LIMA1: variants seen among roughly 807,000 people sequenced by gnomAD.
LIMA1 encodes the protein LIM domain and actin-binding protein 1.
Under a neutral mutation model 62.6 loss-of-function variants are expected in LIMA1, and 52 were observed. The ratio of observed to expected loss-of-function variants is 0.83; its 90% CI spans 0.67 to 1.05. LIMA1 has a LOEUF of 1.05. LIMA1 is among the 50% of genes least tolerant of loss of function. LIMA1 has a pLI of 0.00. For synonymous variants in LIMA1, 302 were observed against 317.8 expected, an observed-to-expected ratio of 0.95 and a Z score of 0.53; for missense variants, 780 against 902.2, an observed-to-expected ratio of 0.86 and a Z score of 1.74.
Position 50,222,211 on chromosome 12 carries a change from T to G in LIMA1, c.440A>C (p.Asp147Ala), listed in dbSNP as rs1941454469. ...TGAGTGGTCTTTAAGATCCTCACCG[T>G]CCTTGATGTGGGGATATCGACCCTG... is the stretch of plus-strand genomic sequence containing the variant. ...LVQGRYPHIK[D>A]GEDLKDHSTE... Residue 147 changes from aspartate to alanine, a missense_variant, in exon 4 of 11, where the codon GAC (aspartate) becomes GCC (alanine). Physicochemically the swap from Asp to Ala is moderately radical, Grantham distance 126. Coordinates refer to ENST00000341247, the MANE Select transcript of LIMA1 (RefSeq NM_016357.5). The G allele has an allele frequency of 1.4e-5, 22 of 1,614,214 alleles. No individual in the cohort carries two copies. The highest frequency in any genetic ancestry group is 1.8e-5 in the Non-Finnish European group (21 of 1,180,014).
chr12:50,244,261 G>A (rs1407124051), intron 2 of LIMA1, among the ~76,000 whole-genome samples: 3 of 152,136 alleles, frequency 2.0e-5, no homozygotes, highest in Non-Finnish European at 4.4e-5. Context: ...GGGCCACGAT[G>A]CCCAGCTAAT....
intron 9 of LIMA1, chr12:50,186,980 G>C (rs749147179): frequency 1.3e-5 from 2 of 152,170 alleles, no homozygotes; most frequent in African/African-American, 2.4e-5. Flanking sequence ...TCCCACGACA[G>C]CAATTTGAAC....
chr12:50,204,852 T>A, intron 5 of LIMA1, 152 bp from the exon 6 acceptor site: 2 of 650,772 alleles, frequency 3.1e-6, no homozygotes, highest in Admixed American at 2.8e-5. Flanking sequence ...CCCAAAGCGC[T>A]GGAATTATAG....
At chr12:50,186,670 T>A (rs982554557) in intron 9 of LIMA1, 2 of 152,182 alleles carry the variant, frequency 1.3e-5, no homozygotes, top group African/African-American at 4.8e-5. Context: ...ATAAAGGATA[T>A]TTTCTGGAGG....
chr12:50,235,938 G>A (rs930669948), intron 2 of LIMA1, among the ~76,000 whole-genome samples: 3 of 152,160 alleles, frequency 2.0e-5, no homozygotes, highest in African/African-American at 7.2e-5. Flanking sequence ...ATGGAGGTGG[G>A]TGGATCACCT....
intron 2 of LIMA1, among the ~76,000 whole-genome samples, chr12:50,243,919 CT>C (rs944990232): frequency 3.9e-4 from 57 of 147,292 alleles, no homozygotes; most frequent in Middle Eastern, 3.6e-3. Flanking sequence ...TTATATATTT[CT>C]TTTTTTTTTT....
intron 6 of LIMA1, chr12:50,201,227 T>C: frequency 1.9e-6 from 2 of 1,046,656 alleles, no homozygotes; most frequent in South Asian, 6.9e-5. Flanking sequence ...GCAAAGCTTG[T>C]GAGTTTTATC....
chr12:50,280,599 A>C (rs1942329806), intron 1 of LIMA1, among the ~76,000 whole-genome samples: 1 of 152,230 alleles, frequency 6.6e-6, no homozygotes, highest in South Asian at 2.1e-4. Flanking sequence ...GACATGCTGA[A>C]TAATGGATTG....
At chr12:50,219,215 G>A (rs962499953) in intron 4 of LIMA1, among the ~76,000 whole-genome samples, 2 of 152,170 alleles carry the variant, frequency 1.3e-5, no homozygotes, top group African/African-American at 4.8e-5. Context: ...TGGGCGTGGT[G>A]GCTCATGCCT....
intron 3 of LIMA1, among the ~76,000 whole-genome samples, chr12:50,229,336 C>G (rs1176475258): frequency 6.6e-6 from 1 of 152,184 alleles, no homozygotes; most frequent in East Asian, 1.9e-4. Flanking sequence ...TCCTAAAGTG[C>G]TGGGATTAGA....
At chr12:50,193,613 TATATATAC>T (rs1940850029) in intron 8 of LIMA1, among the ~76,000 whole-genome samples, 1 of 138,004 alleles carries the variant, frequency 7.2e-6, no homozygotes, top group Admixed American at 7.5e-5. Context: ...TACATGTATA[TATATATAC>T]ATATATATAC....
At chr12:50,210,022 T>G (rs1021319079) in intron 4 of LIMA1, among the ~76,000 whole-genome samples, 1 of 152,076 alleles carries the variant, frequency 6.6e-6, no homozygotes, top group Non-Finnish European at 1.5e-5. Flanking sequence ...ATAAAGAAAA[T>G]TCCACATATT....
intron 4 of LIMA1, among the ~76,000 whole-genome samples, 194 bp downstream of exon 4, chr12:50,221,827 T>G (rs575425419): frequency 4.7e-4 from 71 of 152,362 alleles, no homozygotes; most frequent in Admixed American, 1.5e-3. Context: ...TGATTTAACA[T>G]GAAATTGTGT....
chr12:50,201,145 C>A, intron 6 of LIMA1: 3 of 1,195,600 alleles, frequency 2.5e-6, no homozygotes. Flanking sequence ...CACATCAACA[C>A]AGGCACACAG....
chr12:50,184,568 G>C (rs1031546525), intron 9 of LIMA1, among the ~76,000 whole-genome samples: 3 of 152,162 alleles, frequency 2.0e-5, no homozygotes, highest in Non-Finnish European at 4.4e-5. Context: ...CTTGAACCCA[G>C]GAAGCAGAAG....
chr12:50,177,181 A>G lies in LIMA1; in HGVS notation c.2163T>C (p.Thr721=). 6.2e-7 allele frequency: 1 copy of G among 1,613,990 alleles called. No individual in the cohort carries two copies. Among genetic ancestry groups the G allele is most frequent in the Non-Finnish European group, 8.5e-7 (1 of 1,179,984 alleles). The stretch of plus-strand genomic sequence containing the variant: ...CCACATCCTGGGATTTCTGATTCTG[A>G]GTAGTGAATTCTTCAGCAAAGGTGT... The part of the protein sequence containing the change: ...VDNTFAEEFT[T]QNQKSQDVEL... Residue 721 remains threonine (T), a synonymous_variant, in exon 11 of 11, where the codon ACT becomes ACC. Coordinates refer to ENST00000341247, the MANE Select transcript of LIMA1 (RefSeq NM_016357.5).
chr12:50,265,348 C>T lies in LIMA1; in HGVS notation c.-23-16574G>A, dbSNP rs574496132. ...CCAGTCTGACCAACATGGAGAAACC[C>T]CATCTCTACTAAAAATACAAAATTA... On this transcript the variant is annotated intron_variant, in intron 1 of 10. Coordinates refer to ENST00000341247, the MANE Select transcript of LIMA1 (RefSeq NM_016357.5). Among the ~76,000 whole-genome samples the T allele has an allele frequency of 9.9e-5, 15 of 151,474 alleles. No individual in the cohort carries two copies. In the East Asian group the frequency reaches 2.7e-3, roughly 28 times the overall value.
At chr12:50,246,140 G>A (rs541194689) in intron 2 of LIMA1, among the ~76,000 whole-genome samples, 19 of 151,472 alleles carry the variant, frequency 1.3e-4, no homozygotes, top group African/African-American at 4.6e-4. Flanking sequence ...GCTGAGGCAG[G>A]AGAATCGCTT....
At chr12:50,266,051 A>C (rs1320633868) in intron 1 of LIMA1, among the ~76,000 whole-genome samples, 1 of 152,120 alleles carries the variant, frequency 6.6e-6, no homozygotes, top group African/African-American at 2.4e-5. Flanking sequence ...GCTCCATATA[A>C]ACAATGCTAT....
Sources: allele counts gnomAD v4.1 joint callset (sites outside exome capture counted in the v4.1 genomes callset), GRCh38; gene constraint gnomAD v4.1.1; transcripts MANE v1.5; gene names NCBI Gene and HGNC (gene_info 2026-07-23, HGNC 2026-07-21).